Variants in TRIP12 observed in about 807,000 individuals in gnomAD.
TRIP12 encodes the protein E3 ubiquitin-protein ligase TRIP12.
A neutral mutation model predicts 244.2 loss-of-function variants in TRIP12; 25 were observed. That is an observed-to-expected ratio of 0.10 (90% CI 0.07 to 0.14). The LOEUF is 0.14. Among genes scored for constraint, TRIP12 ranks in the 10% least tolerant of loss-of-function variants. The pLI, the probability that TRIP12 is intolerant of heterozygous loss-of-function variation, is 1.00. For synonymous variants in TRIP12, 905 were observed against 873.1 expected (o/e 1.04, Z -0.64); for missense variants, 1,677 against 2,486.4 (o/e 0.67, Z 6.92).
At chr2:229,877,402 C>T (rs766370146) in intron 2 of TRIP12, among the ~76,000 whole-genome samples, 102 of 151,938 alleles carry the variant, frequency 6.7e-4, no homozygotes, top group Non-Finnish European at 1.2e-3. Context: ...AGGTGGCAGG[C>T]GCCTGTAATC....
Position 229,787,709 on chromosome 2 carries a change from A to T in TRIP12, c.4839-48T>A, listed in dbSNP as rs201021150. On this transcript the variant is annotated intron_variant, in intron 32 of 41. Coordinates refer to ENST00000675903, the MANE Select transcript of TRIP12 (RefSeq NM_001348323.3). ...TTTATTATCTGGATGAGAATCAGAAACTACTAAAAAAAAAATCCAAACTTA... is the reference window on the plus strand; with the variant it reads ...TTTATTATCTGGATGAGAATCAGAATCTACTAAAAAAAAAATCCAAACTTA... 27 of 1,450,952 alleles carry T rather than the reference A, an allele frequency of 1.9e-5. No individual in the cohort carries two copies. The African/African-American group carries it at 2.8e-4, about 15-fold the overall frequency. The allele number at this position is 1,450,952 out of a possible 1,614,324, so 89.9% of individuals were successfully genotyped here.
At position 229,767,552 on chromosome 2, in the gene TRIP12, G is replaced by T; in HGVS notation, c.*2C>A. ...AGGCAGACACTGCATTTCTTGCTAT[G>T]ATCAGGAAAGATGGAACGACTGCTG... is the stretch of plus-strand genomic sequence containing the variant. On this transcript the variant is annotated 3_prime_UTR_variant, in exon 42 of 42. Transcript: ENST00000675903. 6.2e-7 allele frequency: 1 copy of T among 1,603,668 alleles called. No individual in the cohort carries two copies.
chr2:229,859,055 A>C lies in TRIP12; in HGVS notation c.744T>G (p.Ser248=), dbSNP rs1307351981. The change falls in exon 4 of 42, where the codon TCT becomes TCG. Residue 248 remains serine (S), a synonymous_variant. Transcript: ENST00000675903. ...TGGAGGAGGCCGAGGCTACAGCAGAAGACGAGGAGGAAGTAGAGGCAGCAG... is the reference window on the plus strand; with the variant it reads ...TGGAGGAGGCCGAGGCTACAGCAGACGACGAGGAGGAAGTAGAGGCAGCAG... The part of the protein sequence containing the change: ...SSSAASTSSS[S]SAVASASSTV... 1.2e-6 allele frequency: 2 copies of C among 1,614,234 alleles called. No individual in the cohort carries two copies. Among genetic ancestry groups the C allele is most frequent in the East Asian group, 2.2e-5 (1 of 44,892 alleles).
intron 34 of TRIP12, among the ~76,000 whole-genome samples, chr2:229,780,688 A>G (rs1266713748): frequency 6.6e-6 from 1 of 152,178 alleles, no homozygotes; most frequent in African/African-American, 2.4e-5. Flanking sequence ...AGACGCAATG[A>G]CTTGCCTCCA....
chr2:229,796,576 T>C lies in TRIP12; in HGVS notation c.3816+15A>G. On this transcript the variant is annotated intron_variant, in intron 25 of 41. Transcript: ENST00000675903. ...TGATTCTTAAAAGATACACAGGCAT[T>C]ATTAGATAACTTACTGGAGAAGAAA... 6.4e-7 allele frequency: 1 copy of C among 1,563,024 alleles called. No individual in the cohort carries two copies. Among genetic ancestry groups the C allele is most frequent in the Non-Finnish European group, 8.6e-7 (1 of 1,159,094 alleles).
At chr2:229,896,158 A>C (rs1021399301) in intron 1 of TRIP12, among the ~76,000 whole-genome samples, 5 of 152,270 alleles carry the variant, frequency 3.3e-5, no homozygotes, top group African/African-American at 1.2e-4. Flanking sequence ...TATTAACTCT[A>C]TATTATACTA....
At chr2:229,918,443 TAAAGA>T (rs2075910803) in intron 1 of TRIP12, among the ~76,000 whole-genome samples, 1 of 152,230 alleles carries the variant, frequency 6.6e-6, no homozygotes, top group South Asian at 2.1e-4. Flanking sequence ...CTAGGTTCTG[TAAAGA>T]AAACAGTGAC....
At chr2:229,874,310 A>C (rs1358570271) in intron 2 of TRIP12, among the ~76,000 whole-genome samples, 2 of 152,184 alleles carry the variant, frequency 1.3e-5, no homozygotes, top group Non-Finnish European at 2.9e-5. Context: ...AGGATTTGGC[A>C]AAATGAGGAC....
At chr2:229,864,235 T>C (rs546830747) in intron 2 of TRIP12, among the ~76,000 whole-genome samples, 59 of 152,218 alleles carry the variant, frequency 3.9e-4, no homozygotes, top group Non-Finnish European at 7.2e-4. Context: ...ACCTATGTTA[T>C]TTTGTAATGA....
intron 34 of TRIP12, among the ~76,000 whole-genome samples, chr2:229,781,553 G>C (rs1160563836): frequency 7.2e-5 from 11 of 152,158 alleles, no homozygotes; most frequent in African/African-American, 2.4e-4. Context: ...CCCTGCTCCT[G>C]ATCTTCCACA....
chr2:229,815,814 A>T (rs1455242144), intron 9 of TRIP12, among the ~76,000 whole-genome samples: 6 of 152,198 alleles, frequency 3.9e-5, no homozygotes, highest in Non-Finnish European at 8.8e-5. Flanking sequence ...AGTAATATAG[A>T]ATTTAAACAT....
chr2:229,816,536 G>C (rs1035924698), intron 9 of TRIP12, among the ~76,000 whole-genome samples: 5 of 152,126 alleles, frequency 3.3e-5, no homozygotes, highest in African/African-American at 1.2e-4. Flanking sequence ...TTGTGATGAA[G>C]AGATATAAAT....
intron 4 of TRIP12, among the ~76,000 whole-genome samples, chr2:229,845,082 T>C (rs2057298197): frequency 1.3e-5 from 2 of 152,178 alleles, no homozygotes; most frequent in African/African-American, 4.8e-5. Flanking sequence ...TCCTTAAATG[T>C]TGATATATAA....
At chr2:229,871,031 A>G (rs2062474185) in intron 2 of TRIP12, among the ~76,000 whole-genome samples, 1 of 152,038 alleles carries the variant, frequency 6.6e-6, no homozygotes, top group Non-Finnish European at 1.5e-5. Flanking sequence ...GGTGGTGCAC[A>G]CCTGCAGTCC....
At chr2:229,799,608 C>G (rs2043723386) in intron 21 of TRIP12, among the ~76,000 whole-genome samples, 1 of 152,068 alleles carries the variant, frequency 6.6e-6, no homozygotes, top group African/African-American at 2.4e-5. Flanking sequence ...AACCCCATCT[C>G]TACTAAAAAT....
At chr2:229,864,047 A>AGAGAGAGAGTGAGTGAGTGT in intron 2 of TRIP12, among the ~76,000 whole-genome samples, 1 of 79,292 alleles carries the variant, frequency 1.3e-5, no homozygotes, top group Non-Finnish European at 2.5e-5. Flanking sequence ...AGAGAGAGAG[A>AGAGAGAGAGTGAGTGAGTGT]GTGTGTGTGT....
chr2:229,915,946 C>G (rs1173273244), intron 1 of TRIP12, among the ~76,000 whole-genome samples: 7 of 152,194 alleles, frequency 4.6e-5, no homozygotes, highest in South Asian at 4.1e-4. Flanking sequence ...CCTCCTGCCT[C>G]AGCCTCCCAA....
chr2:229,853,594 A>T (rs1489363148), intron 4 of TRIP12, among the ~76,000 whole-genome samples: 1 of 152,040 alleles, frequency 6.6e-6, no homozygotes, highest in Non-Finnish European at 1.5e-5. Flanking sequence ...GAGGGGGAGG[A>T]TGCAGTGAGC....
At chr2:229,922,424 G>A (rs374616720), upstream of TRIP12, 33 of 1,218,294 alleles carry the variant, frequency 2.7e-5, no homozygotes, top group East Asian at 5.4e-4. Flanking sequence ...TCATAAGCGT[G>A]GTTCAATTTA....
Sources: allele counts gnomAD v4.1 joint callset (sites outside exome capture counted in the v4.1 genomes callset), GRCh38; gene constraint gnomAD v4.1.1; transcripts MANE v1.5; gene names NCBI Gene and HGNC (gene_info 2026-07-23, HGNC 2026-07-21).